Variants in MAST4 observed in about 807,000 individuals in gnomAD.
MAST4 encodes the protein microtubule associated serine/threonine kinase family member 4, also known as microtubule-associated serine/threonine-protein kinase 4.
MAST4 carries 89 observed loss-of-function variants against 162.7 expected under a neutral mutation model. The ratio of observed to expected loss-of-function variants is 0.55; its 90% CI spans 0.46 to 0.65. MAST4 has a LOEUF of 0.65. Among genes scored for constraint, MAST4 ranks in the 30% least tolerant of loss-of-function variants. MAST4 has a pLI of 0.00. For missense variants in MAST4, 3,153 were observed against 3,374.0 expected (o/e 0.93, Z 1.62); for synonymous variants, 1,479 against 1,361.1 (o/e 1.09, Z -1.91).
intron 2 of MAST4, among the ~76,000 whole-genome samples, chr5:66,780,234 C>A (rs560822186): frequency 6.6e-6 from 1 of 152,074 alleles, no homozygotes; most frequent in South Asian, 2.1e-4. Flanking sequence ...CCACTCCCCC[C>A]AGCCCCTGTA....
chr5:66,761,766 C>G (rs1023422146), intron 2 of MAST4, among the ~76,000 whole-genome samples: 1 of 152,130 alleles, frequency 6.6e-6, no homozygotes, highest in Non-Finnish European at 1.5e-5. Context: ...AATCTTTTCC[C>G]TTGAGTTTAC....
In MAST4 at chr5:67,167,841, A is replaced by T. The variant is rs1774224297; in HGVS notation, c.*790A>T. 6.6e-6 allele frequency: 1 copy of T among 152,238 alleles called. No individual in the cohort carries two copies. Among genetic ancestry groups the T allele is most frequent in the East Asian group, 1.9e-4 (1 of 5,198 alleles). The allele number at this position is 152,238 out of a possible 1,614,324, so 9.4% of individuals were successfully genotyped here. On this transcript the variant is annotated 3_prime_UTR_variant, in exon 29 of 29. Coordinates refer to ENST00000403625, the MANE Select transcript of MAST4 (RefSeq NM_001164664.2). ...CCCTGGTCCAACTGTCTAAAAGGCC[A>T]GTTGTTCCTTTCTGTGGATGTGGAT...
At chr5:66,688,127 T>C (rs1166163592) in intron 1 of MAST4, among the ~76,000 whole-genome samples, 1 of 152,166 alleles carries the variant, frequency 6.6e-6, no homozygotes, top group Non-Finnish European at 1.5e-5. Context: ...CATGATAGCT[T>C]TTAGATTTGG....
intron 4 of MAST4, chr5:67,004,997 G>C (rs1482406382): frequency 1.3e-6 from 1 of 771,640 alleles, no homozygotes; most frequent in Non-Finnish European, 2.4e-6. Flanking sequence ...GAAAGAAATG[G>C]ATATGTCTGA....
At chr5:67,086,306 A>G (rs1306164136) in intron 5 of MAST4, among the ~76,000 whole-genome samples, 1 of 152,226 alleles carries the variant, frequency 6.6e-6, no homozygotes, top group East Asian at 1.9e-4. Flanking sequence ...ATGCCTTTTA[A>G]AAAGATTTGC....
At chr5:67,052,204 T>C (rs556551539) in intron 4 of MAST4, among the ~76,000 whole-genome samples, 1 of 152,302 alleles carries the variant, frequency 6.6e-6, no homozygotes, top group Non-Finnish European at 1.5e-5. Flanking sequence ...TCTTTCACTC[T>C]ACATTGCATT....
At chr5:66,852,489 G>A (rs1338333420) in intron 3 of MAST4, among the ~76,000 whole-genome samples, 2 of 152,168 alleles carry the variant, frequency 1.3e-5, no homozygotes, top group Non-Finnish European at 1.5e-5. Flanking sequence ...GCTCAGAGAT[G>A]TTTGACAAAT....
At position 66,788,929 on chromosome 5, in the gene MAST4, C is replaced by A. The variant is rs1237858270; in HGVS notation, c.642+135C>A. The A allele has an allele frequency of 2.5e-6, 3 of 1,217,426 alleles. No homozygotes were observed. In the East Asian group the frequency reaches 8.9e-5, roughly 36 times the overall value. 75.4% of individuals were successfully genotyped at this position (1,217,426 alleles called of 1,614,324 possible). ...AGCACATATTTGGCAATGTGGAATT[C>A]CTTGCTTTCAATGTGCTAATTTCTG... On this transcript the variant is annotated intron_variant, in intron 3 of 28. Coordinates refer to ENST00000403625, the MANE Select transcript of MAST4 (RefSeq NM_001164664.2).
At chr5:66,695,583 A>G (rs750459635) in intron 1 of MAST4, among the ~76,000 whole-genome samples, 1 of 152,140 alleles carries the variant, frequency 6.6e-6, no homozygotes, top group Non-Finnish European at 1.5e-5. Context: ...TGTGAATAGC[A>G]TTGAATCTGT....
intron 4 of MAST4, among the ~76,000 whole-genome samples, chr5:67,006,464 G>A (rs1232669712): frequency 6.6e-6 from 1 of 152,168 alleles, no homozygotes; most frequent in Non-Finnish European, 1.5e-5. Context: ...TGCTACACAT[G>A]AACTAGGCCA....
intron 4 of MAST4, chr5:66,930,832 C>T (rs1051378638): frequency 3.2e-5 from 15 of 469,126 alleles, no homozygotes; most frequent in Non-Finnish European, 5.3e-5. Flanking sequence ...CAGTGCTGGA[C>T]CTTTGAGGAA....
At chr5:66,809,062 A>G (rs1353561043) in intron 3 of MAST4, among the ~76,000 whole-genome samples, 1 of 152,158 alleles carries the variant, frequency 6.6e-6, no homozygotes, top group Non-Finnish European at 1.5e-5. Flanking sequence ...CTAACTGTTG[A>G]TTACACTGTG....
chr5:67,016,893 A>G (rs948676831), intron 4 of MAST4, among the ~76,000 whole-genome samples: 1 of 152,244 alleles, frequency 6.6e-6, no homozygotes, highest in Non-Finnish European at 1.5e-5. Context: ...CTTAGAAAGG[A>G]CAAAAATTCT....
Position 66,951,932 on chromosome 5 carries a change from A to G in MAST4, c.674+51950A>G, listed in dbSNP as rs200107547. Among the ~76,000 whole-genome samples the G allele has an allele frequency of 1.1e-4, 16 of 152,142 alleles. No homozygotes were observed. In the East Asian group the frequency reaches 2.7e-3, roughly 26 times the overall value. On this transcript the variant is annotated intron_variant, in intron 4 of 28. Transcript: ENST00000403625. Reference sequence around the variant, plus strand: ...ACGGTGTGCTATCTAGGTCTCCTGCATGGAGGCAGTTTTTGGTGATTTTCC... The same window carrying G: ...ACGGTGTGCTATCTAGGTCTCCTGCGTGGAGGCAGTTTTTGGTGATTTTCC...
intron 4 of MAST4, among the ~76,000 whole-genome samples, chr5:66,962,774 C>G (rs1746171569): frequency 6.6e-6 from 1 of 152,174 alleles, no homozygotes; most frequent in African/African-American, 2.4e-5. Context: ...TTGCTCACTT[C>G]AGTCTTAGAG....
intron 3 of MAST4, among the ~76,000 whole-genome samples, chr5:66,862,534 TAACA>T (rs1431795747): frequency 2.6e-5 from 4 of 152,212 alleles, no homozygotes; most frequent in African/African-American, 9.6e-5. Flanking sequence ...TAAAATGCTC[TAACA>T]AACGATCATT....
intron 1 of MAST4, among the ~76,000 whole-genome samples, chr5:66,608,623 A>G (rs1743065662): frequency 6.6e-6 from 1 of 151,964 alleles, no homozygotes; most frequent in Non-Finnish European, 1.5e-5. Context: ...TCCAGAGGAC[A>G]TGGTCAGTTC....
At chr5:66,862,367 G>A (rs1387082389) in intron 3 of MAST4, among the ~76,000 whole-genome samples, 2 of 152,080 alleles carry the variant, frequency 1.3e-5, no homozygotes, top group African/African-American at 4.8e-5. Flanking sequence ...CTAAACTGAA[G>A]GGACATAAGT....
chr5:66,835,991 G>A (rs902991697), intron 3 of MAST4, among the ~76,000 whole-genome samples: 1 of 152,042 alleles, frequency 6.6e-6, no homozygotes, highest in African/African-American at 2.4e-5. Flanking sequence ...GCAACATAGT[G>A]AAAACTTGTC....
Sources: allele counts gnomAD v4.1 joint callset (sites outside exome capture counted in the v4.1 genomes callset), GRCh38; gene constraint gnomAD v4.1.1; transcripts MANE v1.5; gene names NCBI Gene and HGNC (gene_info 2026-07-23, HGNC 2026-07-21).